The following MED29 variants were observed in gnomAD, a reference collection of about 807,000 sequenced individuals.
MED29 encodes the protein mediator complex subunit 29.
MED29 carries 14 observed loss-of-function variants against 22.0 expected under a neutral mutation model. The observed-to-expected ratio is 0.64, with a 90% CI of 0.42 to 0.99. The LOEUF is 0.99. Ranked by LOEUF, MED29 falls within the 50% of genes least tolerant of loss-of-function variation. MED29 has a pLI of 0.00. For synonymous variants in MED29, 123 were observed against 107.8 expected, an observed-to-expected ratio of 1.14 and a Z score of -0.87; for missense variants, 241 against 253.7, an observed-to-expected ratio of 0.95 and a Z score of 0.34.
In MED29 at chr19:39,393,081, C is replaced by CTTTTTTTTTT. The variant is rs142198224; in HGVS notation, c.276-449_276-440dup. ...TTTTCTTTCTTTCTTTCTTTCTTTT[C>CTTTTTTTTTT]TTTTTTTTTTTTTTTTTTTTTTTTT... On this transcript the variant is annotated intron_variant, in intron 2 of 3. Transcript: ENST00000315588. 7.2e-4 allele frequency among the ~76,000 whole-genome samples: 25 copies of CTTTTTTTTTT among 34,704 alleles called. 1 individual carries two copies. The highest frequency in any genetic ancestry group is 9.9e-4 in the Non-Finnish European group (18 of 18,156). 22.8% of individuals were successfully genotyped at this position (34,704 alleles called of 152,430 possible).
intron 3 of MED29, 35 bp downstream of exon 3, chr19:39,393,672 C>A: frequency 6.4e-7 from 1 of 1,564,890 alleles, no homozygotes; most frequent in Non-Finnish European, 8.8e-7. Flanking sequence ...TAACAACAGC[C>A]GTGTCCCAGT....
Position 39,397,830 on chromosome 19 carries a change from G to A in MED29, c.*131G>A. The A allele has an allele frequency of 7.0e-7, 1 of 1,432,792 alleles. No individual in the cohort carries two copies. Among genetic ancestry groups the A allele is most frequent in the Non-Finnish European group, 9.3e-7 (1 of 1,079,744 alleles). 88.8% of individuals were successfully genotyped at this position (1,432,792 alleles called of 1,614,324 possible). A position where few individuals can be genotyped will look rare whatever the true frequency, so the allele number is the denominator to read the frequency against. ...GCACCGCAGCGGGAGCCAGCAGGGGGCAGCAGAGGCCAACAGGGAGCTCGC... is the reference window on the plus strand; with the variant it reads ...GCACCGCAGCGGGAGCCAGCAGGGGACAGCAGAGGCCAACAGGGAGCTCGC... On this transcript the variant is annotated 3_prime_UTR_variant, in exon 4 of 4. Transcript: ENST00000315588.
At chr19:39,391,693 G>A in intron 1 of MED29, 55 bp downstream of exon 1, 1 of 1,512,984 alleles carries the variant, frequency 6.6e-7, no homozygotes, top group Non-Finnish European at 8.8e-7. Context: ...TAGAGGGGCA[G>A]GCCGAGGGCC....
In MED29 at chr19:39,391,470, T is replaced by C. The variant is rs1337044336; in HGVS notation, c.48T>C (p.Gly16=). The C allele has an allele frequency of 6.2e-7, 1 of 1,613,310 alleles. No individual in the cohort carries two copies. Among genetic ancestry groups the C allele is most frequent in the Non-Finnish European group, 8.5e-7 (1 of 1,179,862 alleles). ...QQASAASSAA[G]VSGPSSAGGP... is the part of the protein sequence containing the mutation. The stretch of plus-strand genomic sequence containing the variant: ...CTTCAGCGGCTTCCTCAGCTGCTGG[T>C]GTATCGGGTCCTAGTTCGGCTGGCG... The change falls in exon 1 of 4, where the codon GGT becomes GGC. Residue 16 remains glycine, a synonymous_variant. Coordinates refer to ENST00000315588, the MANE Select transcript of MED29 (RefSeq NM_017592.4).
intron 3 of MED29, among the ~76,000 whole-genome samples, chr19:39,395,673 CT>C (rs1326068551): frequency 1.3e-5 from 2 of 152,198 alleles, no homozygotes; most frequent in Non-Finnish European, 2.9e-5. Flanking sequence ...AATCCCAGCA[CT>C]TTGGGAGGCC....
At position 39,392,534 on chromosome 19, in the gene MED29, C is replaced by T; in HGVS notation, c.275+12C>T. 1 of 1,612,888 alleles carries T rather than the reference C, an allele frequency of 6.2e-7. No homozygotes were observed. Among genetic ancestry groups the T allele is most frequent in the East Asian group, 2.2e-5 (1 of 44,864 alleles). ...ATCGACAATGGACAGTGAGTGCAGC[C>T]CCCTTTACCAGGATATTCTATTGCC... On this transcript the variant is annotated intron_variant, in intron 2 of 3. Transcript: ENST00000315588.
intron 3 of MED29, among the ~76,000 whole-genome samples, chr19:39,394,325 G>A (rs370142433): frequency 1.3e-5 from 2 of 152,014 alleles, no homozygotes; most frequent in African/African-American, 4.8e-5. Flanking sequence ...GCAGTGGCAC[G>A]ATCTAGGCTC....
At chr19:39,393,135 G>C (rs537284048) in intron 2 of MED29, among the ~76,000 whole-genome samples, 2 of 115,768 alleles carry the variant, frequency 1.7e-5, no homozygotes, top group Non-Finnish European at 3.3e-5. Flanking sequence ...TTGCTCTGTC[G>C]CCCAGGCTGG....
chr19:39,391,600 T>C lies in MED29; in HGVS notation c.178T>C (p.Tyr60His), dbSNP rs749764998. Residue 60 changes from tyrosine (Y) to histidine (H), a missense_variant, in exon 1 of 4, where the codon TAT becomes CAT. Tyr to His is a moderately conservative substitution (Grantham distance 83). Coordinates refer to ENST00000315588, the MANE Select transcript of MED29 (RefSeq NM_017592.4). ...QQQDFDPVQR[Y>H]KMLIPQLKES... ...ACAGGACTTCGATCCTGTGCAGCGT[T>C]ATAAGATGCTCATCCCGCAGCTGAA... 1.9e-6 allele frequency: 3 copies of C among 1,609,074 alleles called. No individual in the cohort carries two copies. The highest frequency in any genetic ancestry group is 2.7e-5 in the African/African-American group (2 of 74,842).
At chr19:39,392,752 A>G (rs996058711) in intron 2 of MED29, 21 of 523,764 alleles carry the variant, frequency 4.0e-5, no homozygotes, top group Non-Finnish European at 6.4e-5. Flanking sequence ...CAGCCTCCCA[A>G]GTAGCCAGGA....
At chr19:39,394,721 G>A (rs540461348) in intron 3 of MED29, among the ~76,000 whole-genome samples, 1 of 151,132 alleles carries the variant, frequency 6.6e-6, no homozygotes, top group Admixed American at 6.6e-5. Flanking sequence ...GCACCACCAC[G>A]CCCAGCAAAT....
Position 39,397,814 on chromosome 19 carries a change from CG to C in MED29, c.*118del. 6.8e-7 allele frequency: 1 copy of C among 1,470,056 alleles called. No individual in the cohort carries two copies. The highest frequency in any genetic ancestry group is 1.3e-5 in the South Asian group (1 of 74,268). 91.1% of individuals were successfully genotyped at this position (1,470,056 alleles called of 1,614,324 possible). ...CTCTCTTCCTGCCTGAGCACCGCAG[CG>C]GGAGCCAGCAGGGGGCAGCAGAGGC... On this transcript the variant is annotated 3_prime_UTR_variant, in exon 4 of 4. Coordinates refer to ENST00000315588, the MANE Select transcript of MED29 (RefSeq NM_017592.4).
At chr19:39,393,355 C>T (rs1223293007) in intron 2 of MED29, among the ~76,000 whole-genome samples, 198 bp from the exon 3 acceptor site, 1 of 152,080 alleles carries the variant, frequency 6.6e-6, no homozygotes, top group Non-Finnish European at 1.5e-5. Context: ...CTCGGACTCC[C>T]AAAGTGCTGG....
intron 1 of MED29, among the ~76,000 whole-genome samples, chr19:39,392,022 CA>C (rs1227530154): frequency 6.6e-6 from 1 of 151,956 alleles, no homozygotes; most frequent in Non-Finnish European, 1.5e-5. Flanking sequence ...GAGACTCCGT[CA>C]AAAAAATAAA....
chr19:39,397,592 G>C lies in MED29; in HGVS notation c.496G>C (p.Ala166Pro). The change falls in exon 4 of 4, where the codon GCC becomes CCC. Residue 166 changes from alanine (A) to proline (P), a missense_variant. Transcript: ENST00000315588. Reference protein sequence around the residue: ...PYPQYLAVIKAQISCAKDIHT... With the variant: ...PYPQYLAVIKPQISCAKDIHT... The stretch of plus-strand genomic sequence containing the variant: ...CCCACAGTACCTGGCGGTCATCAAA[G>C]CCCAGATTTCCTGTGCCAAGGACAT... 1 of 1,613,852 alleles carries C rather than the reference G, an allele frequency of 6.2e-7. No individual in the cohort carries two copies. The highest frequency in any genetic ancestry group is 8.5e-7 in the Non-Finnish European group (1 of 1,180,024).
intron 3 of MED29, among the ~76,000 whole-genome samples, chr19:39,396,961 G>A (rs952874416): frequency 2.1e-4 from 32 of 151,846 alleles, no homozygotes; most frequent in Non-Finnish European, 4.4e-5. Context: ...CTGGGAGGCG[G>A]AGGTTGCAGT....
Position 39,398,341 on chromosome 19 carries a change from G to A in MED29, c.*642G>A, listed in dbSNP as rs554079293. 1.8e-4 allele frequency: 27 copies of A among 154,146 alleles called. No homozygotes were observed. In the East Asian group the frequency reaches 5.0e-3, roughly 29 times the overall value. 9.5% of individuals were successfully genotyped at this position (154,146 alleles called of 1,614,324 possible). On this transcript the variant is annotated 3_prime_UTR_variant, in exon 4 of 4. Coordinates refer to ENST00000315588, the MANE Select transcript of MED29 (RefSeq NM_017592.4). ...GGCTCGCATGTCAGCCCAGACCCCAGGGTCCTTGGCCTAGGAGAGGAGCAG... is the reference window on the plus strand; with the variant it reads ...GGCTCGCATGTCAGCCCAGACCCCAAGGTCCTTGGCCTAGGAGAGGAGCAG...
At chr19:39,393,474 G>T in intron 2 of MED29, 79 bp from the exon 3 acceptor site, 1 of 1,303,494 alleles carries the variant, frequency 7.7e-7, no homozygotes, top group South Asian at 1.2e-5. Flanking sequence ...GTTTCCTGAT[G>T]GACACTTGGT....
intron 3 of MED29, among the ~76,000 whole-genome samples, chr19:39,395,623 T>C (rs377228224): frequency 2.4e-4 from 36 of 152,184 alleles, no homozygotes; most frequent in African/African-American, 8.4e-4. Context: ...CTCTGGTTTA[T>C]AATGGAGGAC....
Sources: allele counts gnomAD v4.1 joint callset (sites outside exome capture counted in the v4.1 genomes callset), GRCh38; gene constraint gnomAD v4.1.1; transcripts MANE v1.5; gene names NCBI Gene and HGNC (gene_info 2026-07-23, HGNC 2026-07-21).